The following STX11 variants were observed in gnomAD, a reference collection of about 807,000 sequenced individuals.
STX11 encodes the protein syntaxin 11.
In STX11, 21 loss-of-function variants were observed where a neutral mutation model predicts 19.9. That is an observed-to-expected ratio of 1.06 (90% CI 0.75 to 1.52). The LOEUF (loss-of-function observed/expected upper bound fraction) is 1.52. Ranked by LOEUF, STX11 falls within the 40% of genes most tolerant of loss-of-function variation. The pLI, the probability that STX11 is intolerant of heterozygous loss-of-function variation, is 0.00. For missense variants in STX11, 438 were observed against 405.9 expected (o/e 1.08, Z -0.68); for synonymous variants, 193 against 174.4 (o/e 1.11, Z -0.84).
At position 144,177,757 on chromosome 6, in the gene STX11, A is replaced by G. The variant is rs1295135379; in HGVS notation, c.-5-8866A>G. Among the ~76,000 whole-genome samples the G allele has an allele frequency of 6.6e-6, 1 of 152,218 alleles. No homozygotes were observed. Among genetic ancestry groups the G allele is most frequent in the Non-Finnish European group, 1.5e-5 (1 of 68,034 alleles). ...AGAGGGAGACTCCGTCTCAAAAAAA[A>G]GAAGAAAGAAAGCTCATCTACTGTC... On this transcript the variant is annotated intron_variant, in intron 1 of 1. Coordinates refer to ENST00000367568, the MANE Select transcript of STX11 (RefSeq NM_003764.4). The surrounding 1 kb of genome is among the most constrained non-coding windows in gnomAD (Gnocchi z 4.4).
rs1801727215 is a variant in STX11, at chr6:144,174,543, T to C, written c.-5-12080T>C. Among the ~76,000 whole-genome samples the C allele has an allele frequency of 6.6e-6, 1 of 151,954 alleles. No homozygotes were observed. The highest frequency in any genetic ancestry group is 2.4e-5 in the African/African-American group (1 of 41,374). On this transcript the variant is annotated intron_variant, in intron 1 of 1. Transcript: ENST00000367568. This position sits in a 1 kb window ranked among gnomAD's most constrained non-coding sequence, Gnocchi z 5.3. ...CACCACCACACCCGGCTAATTTTTG[T>C]GTTTTTGTAGAGCTGGATTTTGCCC...
chr6:144,163,674 A>G (rs932185207), intron 1 of STX11, among the ~76,000 whole-genome samples: 2 of 152,032 alleles, frequency 1.3e-5, no homozygotes, highest in African/African-American at 2.4e-5. Flanking sequence ...TAGTAGAGAC[A>G]GGGTTTCTCC....
chr6:144,141,987 T>C, the STX11 span, among the ~76,000 whole-genome samples: 1 of 151,972 alleles, frequency 6.6e-6, no homozygotes, highest in African/African-American at 2.4e-5. Flanking sequence ...CGGCCTCTTC[T>C]GTGGTCTCTA....
rs1801301850 is a variant in STX11 at position 144,160,283 on chromosome 6, G to A, written c.-6+9580G>A. 6.6e-6 allele frequency among the ~76,000 whole-genome samples: 1 copy of A among 152,170 alleles called. No individual in the cohort carries two copies. Among genetic ancestry groups the A allele is most frequent in the African/African-American group, 2.4e-5 (1 of 41,436 alleles). ...AGCCTACCAAAGTGCTGGGATTACAGGAGTGAGCCACTGTGCCTGGCCTTT... is the reference window on the plus strand; with the variant it reads ...AGCCTACCAAAGTGCTGGGATTACAAGAGTGAGCCACTGTGCCTGGCCTTT... On this transcript the variant is annotated intron_variant, in intron 1 of 1. Transcript: ENST00000367568. The surrounding 1 kb of genome is among the most constrained non-coding windows in gnomAD (Gnocchi z 4.3).
At chr6:144,147,333 C>T (rs1284074345), upstream of STX11, among the ~76,000 whole-genome samples, 1 of 152,182 alleles carries the variant, frequency 6.6e-6, no homozygotes, top group Non-Finnish European at 1.5e-5. This position sits in a 1 kb window ranked among gnomAD's most constrained non-coding sequence, Gnocchi z 4.2. Flanking sequence ...CAAGCCCATT[C>T]CTCAGTTTTC....
chr6:144,162,911 G>A lies in STX11; in HGVS notation c.-6+12208G>A, dbSNP rs563688229. Among the ~76,000 whole-genome samples the A allele has an allele frequency of 1.3e-5, 2 of 152,240 alleles. No homozygotes were observed. Among genetic ancestry groups the A allele is most frequent in the South Asian group, 4.1e-4 (2 of 4,830 alleles). ...TCTAAGAAAATACCTGCATTTGTTG[G>A]GAATTCATTCACTGTGTGTAAATAC... On this transcript the variant is annotated intron_variant, in intron 1 of 1. Coordinates refer to ENST00000367568, the MANE Select transcript of STX11 (RefSeq NM_003764.4). The surrounding 1 kb of genome is among the most constrained non-coding windows in gnomAD (Gnocchi z 4.6).
chr6:144,166,375 C>A (rs1370897746), intron 1 of STX11, among the ~76,000 whole-genome samples: 1 of 152,160 alleles, frequency 6.6e-6, no homozygotes, highest in Non-Finnish European at 1.5e-5. Flanking sequence ...AAGATTTTCA[C>A]AATCTCTGGG....
At position 144,171,630 on chromosome 6, in the gene STX11, T is replaced by C. The variant is rs17073463; in HGVS notation, c.-5-14993T>C. The stretch of plus-strand genomic sequence containing the variant: ...TTTCCTGACCCCACTGCTCAAGGAC[T>C]CCTATTTAGCACACTGTATTATCGA... On this transcript the variant is annotated intron_variant, in intron 1 of 1. Coordinates refer to ENST00000367568, the MANE Select transcript of STX11 (RefSeq NM_003764.4). Among the ~76,000 whole-genome samples the C allele has an allele frequency of 4.6e-3, 704 of 152,300 alleles. 25 individuals are homozygous for C. In the East Asian group the frequency reaches 0.08, roughly 17 times the overall value.
intron 1 of STX11, among the ~76,000 whole-genome samples, chr6:144,163,049 A>G (rs1242965681): frequency 1.3e-5 from 2 of 152,218 alleles, no homozygotes; most frequent in Non-Finnish European, 2.9e-5. Flanking sequence ...GTCGTAGTTG[A>G]AACCAGTGAT....
At chr6:144,150,450 C>G (rs1380382857), upstream of STX11, 1 of 972,202 alleles carries the variant, frequency 1.0e-6, no homozygotes, top group Non-Finnish European at 1.2e-6. Flanking sequence ...CGCTGTCATC[C>G]CGGGGCGGGG....
Position 144,182,255 on chromosome 6 carries a change from C to T in STX11, c.-5-4368C>T, listed in dbSNP as rs899723629. On this transcript the variant is annotated intron_variant, in intron 1 of 1. Coordinates refer to ENST00000367568, the MANE Select transcript of STX11 (RefSeq NM_003764.4). The surrounding 1 kb of genome is among the most constrained non-coding windows in gnomAD (Gnocchi z 4.8). The stretch of plus-strand genomic sequence containing the variant: ...TATACACTTTTAACCTTTTTGGAGA[C>T]ATTCTTAGGAATAGCAGTCTCTTCG... Among the ~76,000 whole-genome samples, 10 of 152,160 alleles carry T rather than the reference C, an allele frequency of 6.6e-5. No individual in the cohort carries two copies. The highest frequency in any genetic ancestry group is 1.5e-5 in the Non-Finnish European group (1 of 68,010).
At position 144,174,237 on chromosome 6, in the gene STX11, C is replaced by T. The variant is rs1025929559; in HGVS notation, c.-5-12386C>T. 5.3e-5 allele frequency among the ~76,000 whole-genome samples: 8 copies of T among 152,228 alleles called. No homozygotes were observed. Among genetic ancestry groups the T allele is most frequent in the African/African-American group, 1.7e-4 (7 of 41,446 alleles). ...ATGCTTTTCAAACCTCTGCTTGCAT[C>T]ATATTTGCTAATGTCTCAATGGTCA... On this transcript the variant is annotated intron_variant, in intron 1 of 1. Transcript: ENST00000367568. This position sits in a 1 kb window ranked among gnomAD's most constrained non-coding sequence, Gnocchi z 5.3.
At chr6:144,181,596 A>C (rs938024557) in intron 1 of STX11, among the ~76,000 whole-genome samples, 1 of 110,432 alleles carries the variant, frequency 9.1e-6, no homozygotes. Context: ...CCACCTCAAA[A>C]AAAAAAAAAA....
chr6:144,164,683 CTTTAT>C (rs967526529), intron 1 of STX11, among the ~76,000 whole-genome samples: 36 of 151,964 alleles, frequency 2.4e-4, no homozygotes, highest in Admixed American at 1.0e-3. Flanking sequence ...TTCTATATAG[CTTTAT>C]TTTATTTTAT....
the STX11 span, among the ~76,000 whole-genome samples, chr6:144,140,233 TA>T: frequency 2.0e-5 from 1 of 49,400 alleles, no homozygotes; most frequent in African/African-American, 1.2e-4. Context: ...TATATATATA[TA>T]TATATATATA....
rs1323821286 is a variant in STX11, at chr6:144,167,242, TATTTG to T, written c.-6+16544_-6+16548del. Among the ~76,000 whole-genome samples, 16 of 152,264 alleles carry T rather than the reference TATTTG, an allele frequency of 1.1e-4. No homozygotes were observed. The highest frequency in any genetic ancestry group is 1.8e-4 in the Non-Finnish European group (12 of 68,046). On this transcript the variant is annotated intron_variant, in intron 1 of 1. Transcript: ENST00000367568. This position sits in a 1 kb window ranked among gnomAD's most constrained non-coding sequence, Gnocchi z 5.0. ...CTTTTCATGTTAAACAATTCTGTCT[TATTTG>T]ATTTATTATTACAAGTTGAGTATTT...
rs549964563 is a variant in STX11 at position 144,160,999 on chromosome 6, AAGG to A, written c.-6+10299_-6+10301del. 3.9e-5 allele frequency among the ~76,000 whole-genome samples: 6 copies of A among 152,338 alleles called. No homozygotes were observed. In the South Asian group the frequency reaches 1.0e-3, roughly 26 times the overall value. ...TGCTTTTACCATAAATATTATATAA[AAGG>A]AGCATATGAATGGTAAAGAAATAAT... On this transcript the variant is annotated intron_variant, in intron 1 of 1. Coordinates refer to ENST00000367568, the MANE Select transcript of STX11 (RefSeq NM_003764.4). This position sits in a 1 kb window ranked among gnomAD's most constrained non-coding sequence, Gnocchi z 4.3.
chr6:144,174,176 G>A lies in STX11; in HGVS notation c.-5-12447G>A, dbSNP rs541882579. ...CTAGCCCAGGCTTCGTCATATAGTG[G>A]AATTAAGCTACCCAATAGCAAGCCC... On this transcript the variant is annotated intron_variant, in intron 1 of 1. Transcript: ENST00000367568. This position sits in a 1 kb window ranked among gnomAD's most constrained non-coding sequence, Gnocchi z 5.3. Among the ~76,000 whole-genome samples, 1 of 152,160 alleles carries A rather than the reference G, an allele frequency of 6.6e-6. No individual in the cohort carries two copies. The highest frequency in any genetic ancestry group is 1.9e-4 in the East Asian group (1 of 5,170).
rs1562655438 is a variant in STX11, at chr6:144,155,988, TTCTTTCTTTCTTTCTTTCTTTCTTTC to T, written c.-6+5289_-6+5314del. Among the ~76,000 whole-genome samples the T allele has an allele frequency of 3.7e-4, 49 of 132,540 alleles. No individual in the cohort carries two copies. The highest frequency in any genetic ancestry group is 1.8e-3 in the African/African-American group (47 of 26,374). 87.0% of individuals were successfully genotyped at this position (132,540 alleles called of 152,430 possible). A position where few individuals can be genotyped will look rare whatever the true frequency, so the allele number is the denominator to read the frequency against. On this transcript the variant is annotated intron_variant, in intron 1 of 1. Transcript: ENST00000367568. This position sits in a 1 kb window ranked among gnomAD's most constrained non-coding sequence, Gnocchi z 4.5. ...TTTCTTTCTTTCTTTCTTTCTTTCT[TTCTTTCTTTCTTTCTTTCTTTCTTTC>T]TCTCTTTCTCTCCTTCCTTCCTTCC... is the stretch of plus-strand genomic sequence containing the variant.
Sources: gnomAD v4.1 joint callset for allele counts (sites outside exome capture counted in the v4.1 genomes callset) on GRCh38, gnomAD v4.1.1 for gene constraint, Gnocchi (gnomAD v3.1) non-coding constraint, MANE v1.5 for transcripts, NCBI Gene and HGNC (gene_info 2026-07-23, HGNC 2026-07-21) for gene names.